The following SLC35D2 variants were observed in gnomAD, a reference collection of about 807,000 sequenced individuals.
SLC35D2 encodes solute carrier family 35 member D2.
In SLC35D2, 43 loss-of-function variants were observed where a neutral mutation model predicts 41.8. The observed-to-expected ratio is 1.03, with a 90% CI of 0.81 to 1.33. The LOEUF is 1.33. Ranked by LOEUF, SLC35D2 falls within the 40% of genes most tolerant of loss-of-function variation. SLC35D2 has a pLI of 0.00. For synonymous variants in SLC35D2, 150 were observed against 163.9 expected, an observed-to-expected ratio of 0.92 and a Z score of 0.65; for missense variants, 380 against 408.4, an observed-to-expected ratio of 0.93 and a Z score of 0.60.
At chr9:96,363,582 G>A (rs769913928) in intron 3 of SLC35D2, among the ~76,000 whole-genome samples, 2 of 152,178 alleles carry the variant, frequency 1.3e-5, no homozygotes, top group African/African-American at 4.8e-5. Context: ...CACAGTCCAC[G>A]AAGGAATGGC....
chr9:96,381,187 T>C (rs1403487891), intron 1 of SLC35D2, among the ~76,000 whole-genome samples: 1 of 152,222 alleles, frequency 6.6e-6, no homozygotes, highest in Admixed American at 6.5e-5. Flanking sequence ...CTAATTGCAT[T>C]TAGCATGAAA....
chr9:96,380,973 T>C (rs1162274721), intron 1 of SLC35D2, among the ~76,000 whole-genome samples: 1 of 152,108 alleles, frequency 6.6e-6, no homozygotes, highest in Non-Finnish European at 1.5e-5. Context: ...CCAAAAAATA[T>C]CCCAAATCCA....
intron 4 of SLC35D2, among the ~76,000 whole-genome samples, chr9:96,358,561 CAACA>C (rs1830133476): frequency 6.6e-6 from 1 of 152,126 alleles, no homozygotes; most frequent in South Asian, 2.1e-4. Flanking sequence ...GAAAACACAA[CAACA>C]AACAAACAAA....
At chr9:96,373,686 A>C (rs1228296880) in intron 1 of SLC35D2, among the ~76,000 whole-genome samples, 2 of 67,130 alleles carry the variant, frequency 3.0e-5, no homozygotes, top group African/African-American at 1.5e-4. Context: ...AGACTCTCTC[A>C]AAAAAAAAAA....
At chr9:96,368,733 CCTCTCT>C (rs34787105) in intron 1 of SLC35D2, among the ~76,000 whole-genome samples, 2 of 143,334 alleles carry the variant, frequency 1.4e-5, no homozygotes, top group African/African-American at 2.6e-5. Context: ...TATTATACTC[CCTCTCT>C]CTCTCTCTCT....
intron 9 of SLC35D2, among the ~76,000 whole-genome samples, chr9:96,325,579 A>T (rs1320817947): frequency 1.3e-5 from 2 of 152,170 alleles, no homozygotes; most frequent in Non-Finnish European, 2.9e-5. Context: ...GCTACTCGGG[A>T]GGATGAAGCA....
At chr9:96,365,968 T>C (rs756413297) in intron 2 of SLC35D2, among the ~76,000 whole-genome samples, 5 of 152,218 alleles carry the variant, frequency 3.3e-5, no homozygotes, top group Non-Finnish European at 7.3e-5. Context: ...GAATTATAAC[T>C]GTACTTTGTA....
chr9:96,328,529 G>C (rs145584878), intron 9 of SLC35D2, among the ~76,000 whole-genome samples: 1 of 152,294 alleles, frequency 6.6e-6, no homozygotes, highest in East Asian at 1.9e-4. Context: ...TCTGCTTCTA[G>C]GGCCCCCAGG....
intron 3 of SLC35D2, 64 bp from the exon 4 acceptor site, chr9:96,360,285 A>G: frequency 7.9e-7 from 1 of 1,267,152 alleles, no homozygotes; most frequent in East Asian, 2.4e-5. Context: ...TCCTTCACAT[A>G]TAAAAATGGT....
rs1452976183 is a variant in SLC35D2, at chr9:96,322,713, T to TG, written c.832-634dup. ...ACTATCATTGGGTAGTGAGGTTTTC[T>TG]GGGGTTTTTTTTTTTTTTTTTTTGA... On this transcript the variant is annotated intron_variant, in intron 10 of 11. Coordinates refer to ENST00000253270, the MANE Select transcript of SLC35D2 (RefSeq NM_007001.3). Among the ~76,000 whole-genome samples the TG allele has an allele frequency of 5.8e-3, 768 of 133,100 alleles. 11 individuals carry two copies. The highest frequency in any genetic ancestry group is 0.022 in the African/African-American group (703 of 31,980). 87.3% of individuals were successfully genotyped at this position (133,100 alleles called of 152,430 possible).
At chr9:96,362,557 T>C (rs1260944081) in intron 3 of SLC35D2, among the ~76,000 whole-genome samples, 1 of 151,758 alleles carries the variant, frequency 6.6e-6, no homozygotes, top group Non-Finnish European at 1.5e-5. Flanking sequence ...TTTAGAATAA[T>C]TACAAAGAAA....
chr9:96,339,511 T>TA (rs773329718), intron 8 of SLC35D2, among the ~76,000 whole-genome samples: 16 of 152,162 alleles, frequency 1.1e-4, no homozygotes, highest in Non-Finnish European at 2.2e-4. Flanking sequence ...TTTTAAATCA[T>TA]AAAAAATAAT....
At chr9:96,331,663 T>C (rs10990558) in intron 9 of SLC35D2, among the ~76,000 whole-genome samples, 26,772 of 152,068 alleles carry the variant, frequency 0.18, 2,689 homozygotes, top group African/African-American at 0.27. Flanking sequence ...TCTAAATAGA[T>C]TGAGACCTGT....
chr9:96,346,823 C>T (rs1172271658), intron 6 of SLC35D2, among the ~76,000 whole-genome samples: 1 of 148,776 alleles, frequency 6.7e-6, no homozygotes, highest in Non-Finnish European at 1.5e-5. Context: ...CTCCCTCAGT[C>T]ACAATTTAAA....
At chr9:96,344,829 G>T (rs368141454) in intron 7 of SLC35D2, among the ~76,000 whole-genome samples, 2 of 152,142 alleles carry the variant, frequency 1.3e-5, no homozygotes, top group East Asian at 3.9e-4. Flanking sequence ...GCTATTGCTG[G>T]ACAAGACCTT....
intron 7 of SLC35D2, among the ~76,000 whole-genome samples, chr9:96,344,567 A>AAAAAAAAAAAAAAAGAGAAGAT (rs1829487968): frequency 3.1e-5 from 1 of 32,084 alleles, no homozygotes; most frequent in Admixed American, 1.9e-4. Flanking sequence ...CAGAGCAGAT[A>AAAAAAAAAAAAAAAGAGAAGAT]AAAAAAAAAA....
Position 96,358,105 on chromosome 9 carries a change from T to TATATAC in SLC35D2, c.347+2048_347+2049insGTATAT, listed in dbSNP as rs546410635. On this transcript the variant is annotated intron_variant, in intron 4 of 11. Transcript: ENST00000253270. ...TTATATATATATATATATATATATATATACCTGCAATGGAATATTAATCAG... is the reference window on the plus strand; with the variant it reads ...TTATATATATATATATATATATATATATATACATACCTGCAATGGAATATTAATCAG... Among the ~76,000 whole-genome samples the TATATAC allele has an allele frequency of 4.9e-4, 71 of 143,536 alleles. 1 individual carries two copies. The highest frequency in any genetic ancestry group is 2.6e-3 in the South Asian group (12 of 4,634). 94.2% of individuals were successfully genotyped at this position (143,536 alleles called of 152,430 possible). A position where few individuals can be genotyped will look rare whatever the true frequency, so the allele number is the denominator to read the frequency against.
At chr9:96,379,990 C>T (rs992674119) in intron 1 of SLC35D2, among the ~76,000 whole-genome samples, 2 of 151,578 alleles carry the variant, frequency 1.3e-5, no homozygotes, top group South Asian at 4.2e-4. Context: ...CTCCGCCTCC[C>T]AGGTTCAAGT....
chr9:96,367,715 C>A (rs1246787799), intron 2 of SLC35D2, among the ~76,000 whole-genome samples: 5 of 151,054 alleles, frequency 3.3e-5, no homozygotes, highest in African/African-American at 1.2e-4. Flanking sequence ...CTGGGAGGCA[C>A]AGGTGGCAGT....
Sources: gnomAD v4.1 joint callset for allele counts (sites outside exome capture counted in the v4.1 genomes callset) on GRCh38, gnomAD v4.1.1 for gene constraint, MANE v1.5 for transcripts, NCBI Gene and HGNC (gene_info 2026-07-23, HGNC 2026-07-21) for gene names.